The following PRKD1 variants were observed in gnomAD, a reference collection of about 807,000 sequenced individuals.
PRKD1 encodes serine/threonine-protein kinase D1.
PRKD1 carries 63 observed loss-of-function variants against 95.9 expected under a neutral mutation model. The ratio of observed to expected loss-of-function variants is 0.66; its 90% CI spans 0.54 to 0.81. The LOEUF is 0.81. Ranked by LOEUF, PRKD1 falls within the 30% of genes least tolerant of loss-of-function variation. The pLI is 0.00. For synonymous variants in PRKD1, 425 were observed against 423.1 expected, an observed-to-expected ratio of 1.00 and a Z score of -0.05; for missense variants, 1,048 against 1,165.3, an observed-to-expected ratio of 0.90 and a Z score of 1.47.
At chr14:29,645,374 T>C (rs978316541) in intron 4 of PRKD1, among the ~76,000 whole-genome samples, 9 of 152,186 alleles carry the variant, frequency 5.9e-5, no homozygotes, top group Non-Finnish European at 2.9e-5. Context: ...AAACAGCTGC[T>C]ATTGCATAAA....
At chr14:29,622,816 T>C (rs971303686) in intron 13 of PRKD1, among the ~76,000 whole-genome samples, 1 of 152,176 alleles carries the variant, frequency 6.6e-6, no homozygotes, top group Non-Finnish European at 1.5e-5. Flanking sequence ...TCTAGTCAGT[T>C]TTCTGCAATT....
In PRKD1 at chr14:29,750,976, G is replaced by C. The variant is rs1887456016; in HGVS notation, c.265-25302C>G. On this transcript the variant is annotated intron_variant, in intron 1 of 17. Transcript: ENST00000331968. ...CCATTTTACATCCACTCCTCTTTTGGGGACTGGCATTTCACTTTTTTGTGG... is the reference window on the plus strand; with the variant it reads ...CCATTTTACATCCACTCCTCTTTTGCGGACTGGCATTTCACTTTTTTGTGG... Among the ~76,000 whole-genome samples, 3 of 152,050 alleles carry C rather than the reference G, an allele frequency of 2.0e-5. No individual in the cohort carries two copies. The South Asian group carries it at 6.2e-4, about 32-fold the overall frequency.
chr14:29,700,975 T>TGCGCGCGCGCGCGC (rs750081427), intron 2 of PRKD1, among the ~76,000 whole-genome samples: 4 of 62,922 alleles, frequency 6.4e-5, no homozygotes, highest in South Asian at 1.4e-3. Context: ...CGCGTGCGCA[T>TGCGCGCGCGCGCGC]GCGCGCGCGC....
chr14:29,811,860 T>C (rs1047236772), intron 1 of PRKD1: 1 of 152,144 alleles, frequency 6.6e-6, no homozygotes, highest in African/African-American at 2.4e-5. Flanking sequence ...CCCCAAACAA[T>C]TGCTCTCATC....
At chr14:29,735,447 A>C (rs1017183723) in intron 1 of PRKD1, among the ~76,000 whole-genome samples, 2 of 152,294 alleles carry the variant, frequency 1.3e-5, no homozygotes, top group East Asian at 3.9e-4. Flanking sequence ...TTGGGTAGCT[A>C]ATTCTGATGT....
intron 1 of PRKD1, among the ~76,000 whole-genome samples, chr14:29,926,072 T>A (rs1180410089): frequency 6.6e-6 from 1 of 152,246 alleles, no homozygotes; most frequent in Non-Finnish European, 1.5e-5. Context: ...CACTCATTGT[T>A]ACCTTAGTCT....
intron 1 of PRKD1, among the ~76,000 whole-genome samples, chr14:29,798,167 A>T (rs2139210587): frequency 6.6e-6 from 1 of 152,322 alleles, no homozygotes; most frequent in Non-Finnish European, 1.5e-5. Context: ...GGAAAATTTT[A>T]TGTTTTTGCA....
intron 1 of PRKD1, among the ~76,000 whole-genome samples, chr14:29,917,732 A>G (rs529160203): frequency 3.3e-5 from 5 of 152,260 alleles, no homozygotes; most frequent in African/African-American, 1.2e-4. Flanking sequence ...TACTGAAACA[A>G]GCTTCAACTG....
chr14:29,734,231 G>A (rs566948400), intron 1 of PRKD1, among the ~76,000 whole-genome samples: 26 of 151,640 alleles, frequency 1.7e-4, no homozygotes, highest in South Asian at 1.0e-3. Flanking sequence ...TAGTAGAGAC[G>A]GGGTTTCACC....
chr14:29,804,287 T>C (rs187072451), intron 1 of PRKD1, among the ~76,000 whole-genome samples: 6 of 152,014 alleles, frequency 3.9e-5, no homozygotes, highest in Admixed American at 3.9e-4. Flanking sequence ...TCTAACAACA[T>C]TGTTATACAA....
chr14:29,841,932 T>C (rs913833576), intron 1 of PRKD1, among the ~76,000 whole-genome samples: 3 of 152,060 alleles, frequency 2.0e-5, no homozygotes, highest in African/African-American at 7.2e-5. Context: ...TAAATTTTTT[T>C]CTATTTTAAA....
chr14:29,890,459 C>T (rs912733312), intron 1 of PRKD1, among the ~76,000 whole-genome samples: 4 of 151,940 alleles, frequency 2.6e-5, no homozygotes, highest in African/African-American at 9.7e-5. Flanking sequence ...GGCACAGTAC[C>T]TTACATAAAT....
chr14:29,582,584 C>T (rs952890629), intron 16 of PRKD1, among the ~76,000 whole-genome samples: 5 of 152,144 alleles, frequency 3.3e-5, no homozygotes, highest in African/African-American at 1.2e-4. Context: ...GTGATACTTC[C>T]ATTTCCCATA....
chr14:29,594,174 A>C (rs1446088488), intron 16 of PRKD1: 4 of 451,096 alleles, frequency 8.9e-6, no homozygotes, highest in African/African-American at 2.0e-5. Context: ...CAACATCTAC[A>C]CTAACAGAAA....
At chr14:29,801,849 T>C (rs1389154963) in intron 1 of PRKD1, among the ~76,000 whole-genome samples, 1 of 152,144 alleles carries the variant, frequency 6.6e-6, no homozygotes, top group Non-Finnish European at 1.5e-5. Flanking sequence ...CCAACACACC[T>C]GGCTAATTTT....
intron 1 of PRKD1, among the ~76,000 whole-genome samples, chr14:29,734,913 T>C (rs886676633): frequency 6.6e-6 from 1 of 152,180 alleles, no homozygotes; most frequent in African/African-American, 2.4e-5. Context: ...GGTTCTCCCT[T>C]TCTATACTAC....
At chr14:29,923,774 T>A (rs944566853) in intron 1 of PRKD1, among the ~76,000 whole-genome samples, 1 of 134,628 alleles carries the variant, frequency 7.4e-6, no homozygotes, top group Non-Finnish European at 1.5e-5. Context: ...ATTAATGGCA[T>A]CAAGCATCCC....
chr14:29,815,155 A>G (rs1358291614), intron 1 of PRKD1, among the ~76,000 whole-genome samples: 1 of 152,220 alleles, frequency 6.6e-6, no homozygotes, highest in Non-Finnish European at 1.5e-5. Flanking sequence ...ATAATCATCA[A>G]GGAAAAAAAA....
chr14:29,732,913 GTTT>G (rs574548102), intron 1 of PRKD1, among the ~76,000 whole-genome samples: 2 of 124,006 alleles, frequency 1.6e-5, no homozygotes, highest in African/African-American at 5.9e-5. Context: ...GCCTTGAAGT[GTTT>G]TTTTTTTTTT....
Sources: allele counts gnomAD v4.1 joint callset (sites outside exome capture counted in the v4.1 genomes callset), GRCh38; gene constraint gnomAD v4.1.1; transcripts MANE v1.5; gene names NCBI Gene and HGNC (gene_info 2026-07-23, HGNC 2026-07-21).